The following SNTB1 variants were observed in gnomAD, a reference collection of about 807,000 sequenced individuals.
SNTB1 encodes syntrophin beta 1, also known as beta-1-syntrophin.
Under a neutral mutation model 48.9 loss-of-function variants are expected in SNTB1, and 36 were observed. That is an observed-to-expected ratio of 0.74 (90% confidence interval 0.56 to 0.97). The LOEUF (loss-of-function observed/expected upper bound fraction) is 0.97. Among genes scored for constraint, SNTB1 ranks in the 50% least tolerant of loss-of-function variants. The pLI, the probability that SNTB1 is intolerant of heterozygous loss-of-function variation, is 0.00. For synonymous variants in SNTB1, 299 were observed against 294.6 expected (o/e 1.01, Z -0.15); for missense variants, 786 against 703.4 (o/e 1.12, Z -1.33).
At chr8:120,750,555 T>C (rs898372889) in intron 1 of SNTB1, among the ~76,000 whole-genome samples, 16 of 152,262 alleles carry the variant, frequency 1.1e-4, no homozygotes, top group African/African-American at 3.6e-4. Flanking sequence ...TGCTCTGACT[T>C]GTAATAATGT....
At chr8:120,638,438 G>A (rs973803606) in intron 2 of SNTB1, among the ~76,000 whole-genome samples, 1 of 151,696 alleles carries the variant, frequency 6.6e-6, no homozygotes, top group Non-Finnish European at 1.5e-5. Context: ...CAAGTTCTAG[G>A]GTACATGTGC....
chr8:120,637,157 A>C, intron 2 of SNTB1: 1 of 315,000 alleles, frequency 3.2e-6, no homozygotes, highest in Non-Finnish European at 6.4e-6. Flanking sequence ...TCCTGTTTGC[A>C]TAAGCAAACA....
intron 1 of SNTB1, among the ~76,000 whole-genome samples, chr8:120,803,823 T>A (rs1040883846): frequency 5.3e-5 from 8 of 152,104 alleles, no homozygotes; most frequent in Non-Finnish European, 1.2e-4. Context: ...AGCAGACAGT[T>A]TTCATCTCCT....
At chr8:120,717,110 T>G (rs1818571714) in intron 1 of SNTB1, among the ~76,000 whole-genome samples, 2 of 152,240 alleles carry the variant, frequency 1.3e-5, no homozygotes, top group African/African-American at 4.8e-5. Flanking sequence ...TGGTTCAGAC[T>G]TCCTCTGCAA....
At chr8:120,579,232 T>G (rs974458407) in intron 3 of SNTB1, among the ~76,000 whole-genome samples, 1 of 151,884 alleles carries the variant, frequency 6.6e-6, no homozygotes, top group Non-Finnish European at 1.5e-5. Flanking sequence ...AACAAACAAT[T>G]GAAAGAGACT....
intron 1 of SNTB1, among the ~76,000 whole-genome samples, chr8:120,700,074 G>C (rs1201071018): frequency 6.6e-6 from 1 of 152,162 alleles, no homozygotes; most frequent in Non-Finnish European, 1.5e-5. Flanking sequence ...GCAGAAGCAT[G>C]AGGTGAATCC....
chr8:120,810,186 G>T (rs751445062), intron 1 of SNTB1, among the ~76,000 whole-genome samples: 5 of 152,110 alleles, frequency 3.3e-5, no homozygotes, highest in Non-Finnish European at 5.9e-5. Context: ...TCCAGATACC[G>T]CAATCTACAG....
chr8:120,602,423 TCCA>T (rs1342926758), intron 3 of SNTB1, among the ~76,000 whole-genome samples: 1 of 152,198 alleles, frequency 6.6e-6, no homozygotes, highest in Admixed American at 6.5e-5. Flanking sequence ...CAGATGACCT[TCCA>T]TCAGGTGTGT....
chr8:120,551,678 A>C (rs1563815166), intron 4 of SNTB1, among the ~76,000 whole-genome samples: 2 of 146,928 alleles, frequency 1.4e-5, no homozygotes, highest in Non-Finnish European at 3.0e-5. Context: ...GTGAGCCAAG[A>C]TCGCACCACT....
intron 1 of SNTB1, among the ~76,000 whole-genome samples, chr8:120,742,161 A>G (rs897053376): frequency 5.9e-5 from 9 of 152,234 alleles, no homozygotes; most frequent in Admixed American, 2.0e-4. Flanking sequence ...ATTCAACTTA[A>G]AAAGAAAAAT....
chr8:120,628,629 C>T (rs1250684088), intron 3 of SNTB1, among the ~76,000 whole-genome samples: 7 of 152,014 alleles, frequency 4.6e-5, no homozygotes, highest in South Asian at 2.1e-4. Context: ...TGGTGGCATG[C>T]GCCTGTAATT....
At position 120,541,802 on chromosome 8, in the gene SNTB1, A is replaced by G. The variant is rs201955841; in HGVS notation, c.1524+8T>C. 3.8e-5 allele frequency: 60 copies of G among 1,595,624 alleles called. No homozygotes were observed. The highest frequency in any genetic ancestry group is 1.7e-4 in the Middle Eastern group (1 of 5,960). ...GAAATCACACTGTCTAAAGAAAAGTACACTTACAATCTCTCCATCTTTGCC... is the reference window on the plus strand; with the variant it reads ...GAAATCACACTGTCTAAAGAAAAGTGCACTTACAATCTCTCCATCTTTGCC... On this transcript the variant is annotated splice_region_variant and intron_variant, in intron 6 of 6. Coordinates refer to ENST00000517992, the MANE Select transcript of SNTB1 (RefSeq NM_021021.4).
rs896302749 is a variant in SNTB1, at chr8:120,778,029, T to A, written c.571+33244A>T. Among the ~76,000 whole-genome samples the A allele has an allele frequency of 2.6e-5, 4 of 152,374 alleles. 1 individual carries two copies. Among genetic ancestry groups the A allele is most frequent in the Admixed American group, 2.6e-4 (4 of 15,308 alleles). ...TGCTGTTTTGCAAACCACAGCTCTGTTAACAATGTCCAGTCATTTACTTCT... is the reference window on the plus strand; with the variant it reads ...TGCTGTTTTGCAAACCACAGCTCTGATAACAATGTCCAGTCATTTACTTCT... On this transcript the variant is annotated intron_variant, in intron 1 of 6. Transcript: ENST00000517992.
chr8:120,616,630 G>T lies in SNTB1; in HGVS notation c.996+15814C>A, dbSNP rs542948719. On this transcript the variant is annotated intron_variant, in intron 3 of 6. Transcript: ENST00000517992. Reference sequence around the variant, plus strand: ...CCATGCCAGGCCTAGCTTGATTTTTGCAGTCCTGGTTTGAAAAAGAAAACC... The same window carrying T: ...CCATGCCAGGCCTAGCTTGATTTTTTCAGTCCTGGTTTGAAAAAGAAAACC... Among the ~76,000 whole-genome samples the T allele has an allele frequency of 5.1e-4, 78 of 151,986 alleles. 1 individual carries two copies. The highest frequency in any genetic ancestry group is 2.6e-4 in the Non-Finnish European group (18 of 67,982).
At chr8:120,718,416 G>A (rs1313948849) in intron 1 of SNTB1, among the ~76,000 whole-genome samples, 1 of 152,222 alleles carries the variant, frequency 6.6e-6, no homozygotes, top group African/African-American at 2.4e-5. Flanking sequence ...AAGAGGGGAT[G>A]GGCTTCAGGC....
At chr8:120,683,007 G>A (rs1287825446) in intron 2 of SNTB1, among the ~76,000 whole-genome samples, 3 of 147,400 alleles carry the variant, frequency 2.0e-5, no homozygotes, top group Admixed American at 6.9e-5. Context: ...TCAGCCTCCC[G>A]AGTAGCTGGG....
chr8:120,555,150 C>T (rs548479849), intron 4 of SNTB1, among the ~76,000 whole-genome samples: 1 of 152,076 alleles, frequency 6.6e-6, no homozygotes, highest in Non-Finnish European at 1.5e-5. Context: ...GGGTATATCC[C>T]CGCCAGGAAT....
intron 3 of SNTB1, among the ~76,000 whole-genome samples, chr8:120,616,104 A>T (rs1816709269): frequency 6.6e-6 from 1 of 152,158 alleles, no homozygotes; most frequent in African/African-American, 2.4e-5. Flanking sequence ...GTGAAAAAAT[A>T]ATATTAGGAA....
intron 1 of SNTB1, among the ~76,000 whole-genome samples, chr8:120,737,063 T>C (rs1818958280): frequency 6.6e-6 from 1 of 152,236 alleles, no homozygotes; most frequent in Non-Finnish European, 1.5e-5. Context: ...GTCCAAGTGA[T>C]AGATCCATCT....
Sources: gnomAD v4.1 joint callset for allele counts (sites outside exome capture counted in the v4.1 genomes callset) on GRCh38, gnomAD v4.1.1 for gene constraint, MANE v1.5 for transcripts, NCBI Gene and HGNC (gene_info 2026-07-23, HGNC 2026-07-21) for gene names.